DMXL1: variants seen among roughly 807,000 people sequenced by gnomAD.
DMXL1 encodes dmX-like protein 1.
In DMXL1, 99 loss-of-function variants were observed where a neutral mutation model predicts 319.2. That is an observed-to-expected ratio of 0.31 (90% confidence interval 0.26 to 0.37). The LOEUF is 0.37. Among genes scored for constraint, DMXL1 ranks in the 10% least tolerant of loss-of-function variants. DMXL1 has a pLI of 1.00. For missense variants in DMXL1, 3,745 were observed against 3,595.6 expected (o/e 1.04, Z -1.06); for synonymous variants, 1,385 against 1,235.2 (o/e 1.12, Z -2.54).
At chr5:119,187,156 T>C (rs773087859) in intron 28 of DMXL1, among the ~76,000 whole-genome samples, 5 of 152,188 alleles carry the variant, frequency 3.3e-5, no homozygotes, top group African/African-American at 7.2e-5. Context: ...CTGTTTTTCC[T>C]GTGAATGCCT....
rs1256863361 is a variant in DMXL1 at position 119,081,713 on chromosome 5, C to G, written c.87+10057C>G. On this transcript the variant is annotated intron_variant, in intron 1 of 43. Transcript: ENST00000539542. ...TTAACCAGAGGTACCCTTGCTTAAC[C>G]TTTTCGTTTTAACTAATGGGGACAA... 1.5e-5 allele frequency: 15 copies of G among 985,272 alleles called. No individual in the cohort carries two copies. In the East Asian group the frequency reaches 7.9e-4, roughly 52 times the overall value. The allele number at this position is 985,272 out of a possible 1,614,324, so 61.0% of individuals were successfully genotyped here. A position where few individuals can be genotyped will look rare whatever the true frequency, so the allele number is the denominator to read the frequency against.
At chr5:119,120,196 G>A (rs958279687) in intron 8 of DMXL1, among the ~76,000 whole-genome samples, 36 of 152,188 alleles carry the variant, frequency 2.4e-4, no homozygotes, top group African/African-American at 8.2e-4. Flanking sequence ...ACCATGCCCG[G>A]CCCTGAAAAC....
At chr5:119,190,017 C>A in intron 29 of DMXL1, 131 bp downstream of exon 29, 1 of 758,508 alleles carries the variant, frequency 1.3e-6, no homozygotes, top group Non-Finnish European at 2.1e-6. Flanking sequence ...TAGTATCAGG[C>A]TACATTCCAA....
At position 119,196,355 on chromosome 5, in the gene DMXL1, G is replaced by A. The variant is rs1022871044; in HGVS notation, c.7458-16G>A. 4 of 1,603,178 alleles carry A rather than the reference G, an allele frequency of 2.5e-6. No homozygotes were observed. The highest frequency in any genetic ancestry group is 3.4e-6 in the Non-Finnish European group (4 of 1,170,358). ...TATAGAAATAGTTAACAGATCCATCGTTGCTTTATTTTTAGTTGGTCCTTG... is the reference window on the plus strand; with the variant it reads ...TATAGAAATAGTTAACAGATCCATCATTGCTTTATTTTTAGTTGGTCCTTG... On this transcript the variant is annotated splice_polypyrimidine_tract_variant and intron_variant, in intron 30 of 43. Coordinates refer to ENST00000539542, the MANE Select transcript of DMXL1 (RefSeq NM_001290321.3).
At chr5:119,171,726 G>C (rs1774604830) in intron 24 of DMXL1, 52 bp from the exon 25 acceptor site, 1 of 1,429,246 alleles carries the variant, frequency 7.0e-7, no homozygotes, top group Non-Finnish European at 9.5e-7. Flanking sequence ...CTGAAGTAAT[G>C]GTTTGTAACT....
rs953489375 is a variant in DMXL1 at position 119,132,929 on chromosome 5, T to C, written c.1316-203T>C. On this transcript the variant is annotated intron_variant, in intron 10 of 43. Transcript: ENST00000539542. ...GGAGCATTATCATTAAGCATTACAT[T>C]TACTGGTTTACTTAAAGTATATTGC... 20 of 611,364 alleles carry C rather than the reference T, an allele frequency of 3.3e-5. No individual in the cohort carries two copies. The African/African-American group carries it at 3.3e-4, about 10-fold the overall frequency. 37.9% of individuals were successfully genotyped at this position (611,364 alleles called of 1,614,324 possible).
In DMXL1 at chr5:119,118,772, G is replaced by A. The variant is rs768961476; in HGVS notation, c.744-43G>A. The A allele has an allele frequency of 3.4e-6, 5 of 1,461,364 alleles. No individual in the cohort carries two copies. In the East Asian group the frequency reaches 9.2e-5, roughly 27 times the overall value. The allele number at this position is 1,461,364 out of a possible 1,614,324, so 90.5% of individuals were successfully genotyped here. ...CATCGTAGAATTTCTGTGATACTAT[G>A]TGAAATTTGTATTTTTGCTTCTAAA... is the stretch of plus-strand genomic sequence containing the variant. On this transcript the variant is annotated intron_variant, in intron 7 of 43. Transcript: ENST00000539542.
rs1421429812 is a variant in DMXL1, at chr5:119,197,899, C to T, written c.7688C>T (p.Ala2563Val). ...ASHTAEESLS[A>V]GPAILRHKAL... ...CATACCGCCGAAGAGAGTTTGTCTG[C>T]AGGTCCTGCAATTCTTCGCCACAAA... Residue 2563 changes from alanine (A) to valine (V), a missense_variant, in exon 32 of 44, where the codon GCA becomes GTA. Physicochemically the swap from Ala to Val is moderately conservative, Grantham distance 64. This residue lies in a region of DMXL1 where 1,382 missense variants were observed against 1,269.5 expected (regional missense o/e 1.09). Transcript: ENST00000539542. 3 of 1,614,232 alleles carry T rather than the reference C, an allele frequency of 1.9e-6. No homozygotes were observed. In the South Asian group the frequency reaches 3.3e-5, roughly 18 times the overall value.
chr5:119,171,432 T>C (rs1774522929), intron 24 of DMXL1, 152 bp downstream of exon 24: 1 of 787,180 alleles, frequency 1.3e-6, no homozygotes, highest in Non-Finnish European at 1.9e-6. Flanking sequence ...TTATGAATTA[T>C]AGAGTTGTGT....
intron 37 of DMXL1, among the ~76,000 whole-genome samples, chr5:119,222,353 A>G (rs1784791326): frequency 6.6e-6 from 1 of 152,042 alleles, no homozygotes; most frequent in South Asian, 2.1e-4. Flanking sequence ...TTTAAGGATT[A>G]AAATGAACTT....
intron 1 of DMXL1, among the ~76,000 whole-genome samples, chr5:119,075,454 G>C (rs1750622617): frequency 6.6e-6 from 1 of 151,718 alleles, no homozygotes; most frequent in African/African-American, 2.4e-5. Context: ...GGCCAGGCTG[G>C]TCTTGAACTC....
At chr5:119,125,554 A>G (rs954280252) in intron 9 of DMXL1, among the ~76,000 whole-genome samples, 1 of 152,022 alleles carries the variant, frequency 6.6e-6, no homozygotes, top group East Asian at 1.9e-4. Flanking sequence ...GTATATATAT[A>G]TGTAATTATT....
chr5:119,241,689 A>G (rs1175192353), intron 42 of DMXL1, among the ~76,000 whole-genome samples: 2 of 152,108 alleles, frequency 1.3e-5, no homozygotes, highest in Non-Finnish European at 2.9e-5. Flanking sequence ...CAGCATTACT[A>G]GTGGCATGTT....
At chr5:119,157,943 CAAATT>C (rs926316186) in intron 19 of DMXL1, among the ~76,000 whole-genome samples, 1 of 152,092 alleles carries the variant, frequency 6.6e-6, no homozygotes, top group African/African-American at 2.4e-5. Flanking sequence ...AAAAATTTAA[CAAATT>C]AATTTTTCCA....
chr5:119,218,836 A>G (rs961971170), intron 35 of DMXL1, among the ~76,000 whole-genome samples: 1 of 152,188 alleles, frequency 6.6e-6, no homozygotes, highest in Non-Finnish European at 1.5e-5. Context: ...ATTTTTTTAA[A>G]TGCCATTGAG....
rs56326433 is a variant in DMXL1 at position 119,130,555 on chromosome 5, C to T, written c.1315+1132C>T. Reference sequence around the variant, plus strand: ...ACAGGGTTTCACCATGTTAGTCAGACTGGTCTCGAACTCCTGACCTCAGGT... The same window carrying T: ...ACAGGGTTTCACCATGTTAGTCAGATTGGTCTCGAACTCCTGACCTCAGGT... On this transcript the variant is annotated intron_variant, in intron 10 of 43. Transcript: ENST00000539542. Among the ~76,000 whole-genome samples, 4 of 152,144 alleles carry T rather than the reference C, an allele frequency of 2.6e-5. No individual in the cohort carries two copies. The South Asian group carries it at 8.3e-4, about 31-fold the overall frequency.
At chr5:119,143,989 A>G in intron 14 of DMXL1, 59 bp downstream of exon 14, 2 of 1,053,394 alleles carry the variant, frequency 1.9e-6, no homozygotes, top group Non-Finnish European at 2.8e-6. Flanking sequence ...AGCATTTTGC[A>G]TAAAATCTAT....
intron 38 of DMXL1, 79 bp downstream of exon 38, chr5:119,224,848 G>A: frequency 1.6e-6 from 1 of 607,430 alleles, no homozygotes; most frequent in Non-Finnish European, 2.6e-6. Flanking sequence ...AGAAATGTGT[G>A]GGAACCTTTT....
Position 119,189,711 on chromosome 5 carries a change from C to A in DMXL1, c.7139C>A (p.Ser2380Tyr). The A allele has an allele frequency of 6.2e-7, 1 of 1,613,194 alleles. No homozygotes were observed. The highest frequency in any genetic ancestry group is 8.5e-7 in the Non-Finnish European group (1 of 1,179,562). Reference sequence around the variant, plus strand: ...CATTTTATTTTCTTTTTGTTAGTTTCTTCACTAGTTGAAGAAGGAGAAAAA... The same window carrying A: ...CATTTTATTTTCTTTTTGTTAGTTTATTCACTAGTTGAAGAAGGAGAAAAA... The part of the protein sequence containing the change: ...EQTHSKTLPV[S>Y]SLVEEGEKQN... The change falls in exon 29 of 44, where the codon TCT becomes TAT. Residue 2380 changes from serine (S) to tyrosine (Y), a missense_variant. Ser to Tyr is a moderately radical substitution (Grantham distance 144, BLOSUM62 -2). Coordinates refer to ENST00000539542, the MANE Select transcript of DMXL1 (RefSeq NM_001290321.3).
Sources: allele counts gnomAD v4.1 joint callset (sites outside exome capture counted in the v4.1 genomes callset), GRCh38; gene constraint gnomAD v4.1.1; regional missense constraint gnomAD v4.1.1; transcripts MANE v1.5; gene names NCBI Gene and HGNC (gene_info 2026-07-23, HGNC 2026-07-21).